The following EPHA4 variants were observed in gnomAD, a reference collection of about 807,000 sequenced individuals.
EPHA4 encodes EPH receptor A4, also known as ephrin type-A receptor 4.
Under a neutral mutation model 108.3 loss-of-function variants are expected in EPHA4, and 19 were observed. The observed-to-expected ratio is 0.18, with a 90% confidence interval of 0.12 to 0.26. The LOEUF (loss-of-function observed/expected upper bound fraction) is 0.26, where lower values mean the gene tolerates loss of function less well. EPHA4 is among the 10% of genes least tolerant of loss of function. EPHA4 has a pLI of 1.00. For synonymous variants in EPHA4, 449 were observed against 455.5 expected, an observed-to-expected ratio of 0.99 and a Z score of 0.18; for missense variants, 917 against 1,254.0, an observed-to-expected ratio of 0.73 and a Z score of 4.06.
Position 221,564,233 on chromosome 2 carries a change from G to A in EPHA4, c.321C>T (p.Asp107=). The change falls in exon 3 of 18, where the codon GAC becomes GAT. Residue 107 remains aspartate (D), a synonymous_variant. Coordinates refer to ENST00000281821, the MANE Select transcript of EPHA4 (RefSeq NM_004438.5). ...CCATGACGCCCGGAAGACTATTGCA[G>A]TCCCTCAAGGTGAATTTAATCTCAA... ...VYIEIKFTLR[D]CNSLPGVMGT... The A allele has an allele frequency of 3.7e-6, 6 of 1,614,132 alleles. No individual in the cohort carries two copies. In the South Asian group the frequency reaches 6.6e-5, roughly 18 times the overall value.
At chr2:221,456,388 T>G (rs945929886) in intron 7 of EPHA4, among the ~76,000 whole-genome samples, 4 of 152,208 alleles carry the variant, frequency 2.6e-5, no homozygotes, top group African/African-American at 9.6e-5. Flanking sequence ...ACATTTTTCA[T>G]TCATAGGAAA....
intron 8 of EPHA4, 51 bp from the exon 9 acceptor site, chr2:221,446,232 T>G: frequency 1.7e-6 from 2 of 1,148,258 alleles, no homozygotes; most frequent in Non-Finnish European, 2.4e-6. Flanking sequence ...ACACCTAAGC[T>G]TTAACACATG....
chr2:221,535,316 A>T (rs1346490453), intron 3 of EPHA4, among the ~76,000 whole-genome samples: 1 of 152,226 alleles, frequency 6.6e-6, no homozygotes, highest in Admixed American at 6.5e-5. Flanking sequence ...TGTAATCAGT[A>T]CCTCAAATGA....
chr2:221,534,976 C>T (rs1346497730), intron 3 of EPHA4, among the ~76,000 whole-genome samples: 1 of 152,244 alleles, frequency 6.6e-6, no homozygotes, highest in East Asian at 1.9e-4. Flanking sequence ...CTGGGATTAA[C>T]TTCATCGGCA....
chr2:221,567,677 C>T (rs1694715267), intron 2 of EPHA4, among the ~76,000 whole-genome samples: 1 of 152,164 alleles, frequency 6.6e-6, no homozygotes, highest in South Asian at 2.1e-4. Context: ...CTTGCTTAGT[C>T]TTAGTTCTGA....
chr2:221,555,423 G>C (rs1694277188), intron 3 of EPHA4, among the ~76,000 whole-genome samples: 1 of 152,204 alleles, frequency 6.6e-6, no homozygotes, highest in Non-Finnish European at 1.5e-5. Flanking sequence ...CTGCTGCCTG[G>C]AACTGCAGGG....
chr2:221,561,279 A>G (rs1483274178), intron 3 of EPHA4, among the ~76,000 whole-genome samples: 5 of 151,448 alleles, frequency 3.3e-5, no homozygotes, highest in Admixed American at 3.3e-4. Flanking sequence ...ATAAAGTCTC[A>G]CTCAAGCTTG....
chr2:221,453,410 A>G (rs565066570), intron 8 of EPHA4, among the ~76,000 whole-genome samples: 2 of 152,254 alleles, frequency 1.3e-5, no homozygotes, highest in East Asian at 3.9e-4. Context: ...GCTTCCCACC[A>G]TCAGATGGAT....
At chr2:221,517,465 C>T (rs1226539167) in intron 3 of EPHA4, among the ~76,000 whole-genome samples, 1 of 151,972 alleles carries the variant, frequency 6.6e-6, no homozygotes, top group Non-Finnish European at 1.5e-5. Context: ...GCTGGTAGAA[C>T]GTGGATGACA....
At chr2:221,426,873 T>C (rs974759981) in intron 15 of EPHA4, among the ~76,000 whole-genome samples, 3 of 152,232 alleles carry the variant, frequency 2.0e-5, no homozygotes, top group African/African-American at 7.2e-5. Flanking sequence ...TCTGAGGGCA[T>C]TCATGCTCAT....
intron 5 of EPHA4, among the ~76,000 whole-genome samples, chr2:221,480,587 A>G (rs1691790258): frequency 6.6e-6 from 1 of 152,176 alleles, no homozygotes; most frequent in South Asian, 2.1e-4. Flanking sequence ...TTCTATCAAA[A>G]ACTCCTAAAT....
At chr2:221,459,662 T>C (rs1286598507) in intron 5 of EPHA4, among the ~76,000 whole-genome samples, 2 of 152,056 alleles carry the variant, frequency 1.3e-5, no homozygotes, top group Non-Finnish European at 2.9e-5. Context: ...TTGTAAAATA[T>C]AGAGGTAGCA....
At chr2:221,474,422 T>TAA (rs35346087) in intron 5 of EPHA4, among the ~76,000 whole-genome samples, 267 of 143,946 alleles carry the variant, frequency 1.9e-3, no homozygotes, top group African/African-American at 3.6e-3. Context: ...GACTGTTTCT[T>TAA]AAAAAAAAAA....
At chr2:221,515,568 A>T (rs1244896949) in intron 3 of EPHA4, among the ~76,000 whole-genome samples, 1 of 152,216 alleles carries the variant, frequency 6.6e-6, no homozygotes, top group Non-Finnish European at 1.5e-5. Flanking sequence ...TAATCCCAGC[A>T]CTTTGGGAGG....
intron 5 of EPHA4, among the ~76,000 whole-genome samples, chr2:221,460,094 G>T (rs895367718): frequency 2.0e-5 from 3 of 152,102 alleles, no homozygotes; most frequent in African/African-American, 7.2e-5. Flanking sequence ...ACTCAACTAA[G>T]GTGCTCAAAA....
At chr2:221,516,499 C>T (rs1273806822) in intron 3 of EPHA4, among the ~76,000 whole-genome samples, 2 of 151,892 alleles carry the variant, frequency 1.3e-5, no homozygotes, top group Non-Finnish European at 2.9e-5. Flanking sequence ...GGATTAGAGG[C>T]GTCCGCCGCG....
chr2:221,428,141 A>G (rs1182571436), intron 15 of EPHA4, among the ~76,000 whole-genome samples: 5 of 152,246 alleles, frequency 3.3e-5, no homozygotes, highest in Non-Finnish European at 7.3e-5. Flanking sequence ...ACAAAAGCCA[A>G]TAGTTTGCAT....
chr2:221,454,577 G>GC (rs1690882514), intron 8 of EPHA4, among the ~76,000 whole-genome samples: 1 of 152,114 alleles, frequency 6.6e-6, no homozygotes, highest in Non-Finnish European at 1.5e-5. Flanking sequence ...TTCACCAACA[G>GC]CCCCATCTTG....
chr2:221,564,481 G>T, intron 2 of EPHA4, 87 bp from the exon 3 acceptor site: 1 of 1,357,362 alleles, frequency 7.4e-7, no homozygotes, highest in Non-Finnish European at 1.0e-6. Flanking sequence ...TAGGACACCT[G>T]ATTATTTTTC....
Sources: gnomAD v4.1 joint callset for allele counts (sites outside exome capture counted in the v4.1 genomes callset) on GRCh38, gnomAD v4.1.1 for gene constraint, MANE v1.5 for transcripts, NCBI Gene and HGNC (gene_info 2026-07-23, HGNC 2026-07-21) for gene names.